Variants in ATG5 observed in about 807,000 individuals in gnomAD.
ATG5 encodes autophagy protein 5.
A neutral mutation model predicts 36.5 loss-of-function variants in ATG5; 14 were observed. The observed-to-expected ratio is 0.38, with a 90% CI of 0.25 to 0.60. ATG5 has a LOEUF of 0.60. ATG5 is among the 20% of genes least tolerant of loss of function. ATG5 has a pLI of 0.60. For missense variants in ATG5, 195 were observed against 326.7 expected, an observed-to-expected ratio of 0.60 and a Z score of 3.11; for synonymous variants, 95 against 101.5, an observed-to-expected ratio of 0.94 and a Z score of 0.38.
In ATG5 at chr6:106,186,282, C is replaced by G; in HGVS notation, c.*258G>C. 2.5e-6 allele frequency: 1 copy of G among 402,466 alleles called. No individual in the cohort carries two copies. The highest frequency in any genetic ancestry group is 4.0e-5 in the East Asian group (1 of 25,110). 24.9% of individuals were successfully genotyped at this position (402,466 alleles called of 1,614,324 possible). A position where few individuals can be genotyped will look rare whatever the true frequency, so the allele number is the denominator to read the frequency against. ...AAGGTTTCAGCTTCATTATATTTTA[C>G]AGAAGACCTTCAGTGGTCCGGTAAG... On this transcript the variant is annotated 3_prime_UTR_variant, in exon 8 of 8. Coordinates refer to ENST00000369076, the MANE Select transcript of ATG5 (RefSeq NM_004849.4).
chr6:106,245,091 A>G (rs1287160871), intron 6 of ATG5, among the ~76,000 whole-genome samples: 2 of 152,206 alleles, frequency 1.3e-5, no homozygotes, highest in Non-Finnish European at 2.9e-5. Flanking sequence ...GACTTCAGGA[A>G]CACAAACCTG....
chr6:106,268,914 C>G (rs1267031916), intron 5 of ATG5, among the ~76,000 whole-genome samples: 1 of 151,948 alleles, frequency 6.6e-6, no homozygotes, highest in Non-Finnish European at 1.5e-5. Context: ...AACATTAGGA[C>G]AAATACCTAA....
intron 2 of ATG5, among the ~76,000 whole-genome samples, chr6:106,314,077 T>C (rs1309352943): frequency 2.0e-5 from 3 of 152,216 alleles, no homozygotes; most frequent in Non-Finnish European, 4.4e-5. Flanking sequence ...GACAATCCTC[T>C]TTCTCCTACA....
chr6:106,321,477 G>T (rs1165677895), intron 1 of ATG5, among the ~76,000 whole-genome samples: 1 of 151,884 alleles, frequency 6.6e-6, no homozygotes, highest in Non-Finnish European at 1.5e-5. Flanking sequence ...TCCTGCCTCA[G>T]CCTCCCGAGT....
chr6:106,312,804 C>T (rs1426956197), intron 2 of ATG5, among the ~76,000 whole-genome samples: 2 of 152,112 alleles, frequency 1.3e-5, no homozygotes, highest in Non-Finnish European at 1.5e-5. Flanking sequence ...AGACTCTGAG[C>T]TTGGCTAAAA....
At chr6:106,269,147 C>G (rs904776545) in intron 5 of ATG5, among the ~76,000 whole-genome samples, 1 of 152,030 alleles carries the variant, frequency 6.6e-6, no homozygotes, top group Non-Finnish European at 1.5e-5. Flanking sequence ...TACAAAGTGT[C>G]GACACAAAGG....
chr6:106,255,336 G>C (rs1401048460), intron 5 of ATG5, among the ~76,000 whole-genome samples: 1 of 152,142 alleles, frequency 6.6e-6, no homozygotes, highest in Non-Finnish European at 1.5e-5. Flanking sequence ...AAAGATGAGA[G>C]GTTCACAATT....
intron 6 of ATG5, among the ~76,000 whole-genome samples, chr6:106,221,859 A>G (rs997074827): frequency 1.3e-5 from 2 of 152,142 alleles, no homozygotes; most frequent in African/African-American, 4.8e-5. Context: ...ATTTTTACAT[A>G]TATTAGGCTA....
intron 1 of ATG5, among the ~76,000 whole-genome samples, chr6:106,316,585 C>T (rs1770859062): frequency 6.6e-6 from 1 of 152,066 alleles, no homozygotes; most frequent in Non-Finnish European, 1.5e-5. Flanking sequence ...CTACTGCTTA[C>T]CTAAAGAGGA....
chr6:106,196,894 T>G (rs1360451967), intron 7 of ATG5, among the ~76,000 whole-genome samples: 1 of 152,166 alleles, frequency 6.6e-6, no homozygotes, highest in Non-Finnish European at 1.5e-5. Flanking sequence ...AATGAATCCA[T>G]TAACAAAATA....
At chr6:106,309,192 C>T (rs999643596) in intron 2 of ATG5, among the ~76,000 whole-genome samples, 2 of 152,152 alleles carry the variant, frequency 1.3e-5, no homozygotes, top group South Asian at 4.1e-4. Context: ...ATTTCTTTTG[C>T]TGATAAAACT....
intron 5 of ATG5, among the ~76,000 whole-genome samples, chr6:106,258,446 TG>T (rs1331111778): frequency 6.6e-6 from 1 of 152,176 alleles, no homozygotes; most frequent in African/African-American, 2.4e-5. Flanking sequence ...GAAAAGCTGT[TG>T]GTTCTCATTA....
At chr6:106,216,375 A>T (rs1227871598) in intron 6 of ATG5, among the ~76,000 whole-genome samples, 5 of 152,248 alleles carry the variant, frequency 3.3e-5, no homozygotes. Flanking sequence ...GTGAATTGAT[A>T]AACAAAATGT....
intron 7 of ATG5, among the ~76,000 whole-genome samples, chr6:106,191,915 G>A (rs1775980414): frequency 6.6e-6 from 1 of 152,100 alleles, no homozygotes; most frequent in Non-Finnish European, 1.5e-5. Context: ...ATTCAATTAT[G>A]TGATTGGCAT....
chr6:106,248,404 A>G (rs184002405), intron 5 of ATG5, among the ~76,000 whole-genome samples, 160 bp from the exon 6 acceptor site: 35 of 152,356 alleles, frequency 2.3e-4, no homozygotes, highest in African/African-American at 8.2e-4. Flanking sequence ...ATAAACATAA[A>G]GCAAATATAA....
intron 4 of ATG5, chr6:106,283,342 T>C (rs1382988415): frequency 1.3e-5 from 2 of 152,200 alleles, no homozygotes; most frequent in East Asian, 1.9e-4. Context: ...TGGAAAAAGT[T>C]TGTACAGAGT....
rs1775759513 is a variant in ATG5, at chr6:106,186,174, G to T, written c.*366C>A. ...TTTCATGAGCTAAAGTTCAACCATG[G>T]TCACCTTAGGAAATACCCCTGTTTA... is the stretch of plus-strand genomic sequence containing the variant. On this transcript the variant is annotated 3_prime_UTR_variant, in exon 8 of 8. Transcript: ENST00000369076. 1 of 174,998 alleles carries T rather than the reference G, an allele frequency of 5.7e-6. No individual in the cohort carries two copies. The highest frequency in any genetic ancestry group is 2.4e-5 in the African/African-American group (1 of 42,462). 10.8% of individuals were successfully genotyped at this position (174,998 alleles called of 1,614,324 possible). A position where few individuals can be genotyped will look rare whatever the true frequency, so the allele number is the denominator to read the frequency against.
At chr6:106,202,438 C>G (rs912475469) in intron 6 of ATG5, 1 of 164,478 alleles carries the variant, frequency 6.1e-6, no homozygotes, top group African/African-American at 2.4e-5. Flanking sequence ...AAAGCAAATA[C>G]AAAACATAAA....
chr6:106,235,060 C>T (rs766897476), intron 6 of ATG5, among the ~76,000 whole-genome samples: 2 of 152,120 alleles, frequency 1.3e-5, no homozygotes, highest in Non-Finnish European at 2.9e-5. Context: ...TGAAGAAATT[C>T]GAGATTGAAT....
Sources: allele counts gnomAD v4.1 joint callset (sites outside exome capture counted in the v4.1 genomes callset), GRCh38; gene constraint gnomAD v4.1.1; transcripts MANE v1.5; gene names NCBI Gene and HGNC (gene_info 2026-07-23, HGNC 2026-07-21).